Variants in GABRB2 observed in about 807,000 individuals in gnomAD.
GABRB2 encodes gamma-aminobutyric acid type A receptor subunit beta2, also known as gamma-aminobutyric acid receptor subunit beta-2.
GABRB2 carries 16 observed loss-of-function variants against 54.7 expected under a neutral mutation model. The ratio of observed to expected loss-of-function variants is 0.29; its 90% CI spans 0.20 to 0.44. The LOEUF is 0.44. GABRB2 is among the 20% of genes least tolerant of loss of function. The pLI is 1.00. For missense variants in GABRB2, 355 were observed against 644.0 expected, an observed-to-expected ratio of 0.55 and a Z score of 4.86; for synonymous variants, 244 against 233.8, an observed-to-expected ratio of 1.04 and a Z score of -0.40.
chr5:161,340,298 G>T (rs971587701), intron 5 of GABRB2, among the ~76,000 whole-genome samples: 1 of 151,976 alleles, frequency 6.6e-6, no homozygotes, highest in Non-Finnish European at 1.5e-5. Flanking sequence ...TGTGAAGTAG[G>T]CACTCAGTAA....
upstream of GABRB2, chr5:161,546,780 G>A (rs1193679437): frequency 4.1e-6 from 6 of 1,469,280 alleles, no homozygotes; most frequent in African/African-American, 5.8e-5. Flanking sequence ...CGGCTGCCGG[G>A]GACCGAGCAG....
At chr5:161,396,128 T>C (rs1203671925) in intron 5 of GABRB2, among the ~76,000 whole-genome samples, 1 of 152,188 alleles carries the variant, frequency 6.6e-6, no homozygotes, top group African/African-American at 2.4e-5. Flanking sequence ...TGGGCTCTTA[T>C]AGCTGCACAC....
intron 9 of GABRB2, among the ~76,000 whole-genome samples, chr5:161,305,171 C>T (rs1203674009): frequency 5.9e-5 from 9 of 151,388 alleles, no homozygotes; most frequent in Admixed American, 2.0e-4. Flanking sequence ...CGCCCGCCAC[C>T]GCGCCCGGCT....
intron 5 of GABRB2, among the ~76,000 whole-genome samples, chr5:161,344,065 A>G (rs1288021118): frequency 6.6e-6 from 1 of 152,154 alleles, no homozygotes; most frequent in Admixed American, 6.6e-5. Context: ...GAGATTTTTA[A>G]TGAGCATAAG....
intron 5 of GABRB2, among the ~76,000 whole-genome samples, chr5:161,393,805 A>G (rs921663398): frequency 6.6e-6 from 1 of 152,112 alleles, no homozygotes; most frequent in Admixed American, 6.6e-5. Context: ...AAAACATAGT[A>G]GGAATTTTTA....
At chr5:161,473,441 G>T (rs552277994) in intron 3 of GABRB2, among the ~76,000 whole-genome samples, 1 of 151,918 alleles carries the variant, frequency 6.6e-6, no homozygotes, top group Non-Finnish European at 1.5e-5. Context: ...TACTTACCTC[G>T]AGGAGGAAAA....
At chr5:161,317,990 T>C (rs1758092986) in intron 9 of GABRB2, among the ~76,000 whole-genome samples, 1 of 152,054 alleles carries the variant, frequency 6.6e-6, no homozygotes, top group South Asian at 2.1e-4. Context: ...GAAGTTCTTA[T>C]AGATGCATAA....
chr5:161,459,738 A>G lies in GABRB2; in HGVS notation c.344T>C (p.Leu115Pro). 6.2e-7 allele frequency: 1 copy of G among 1,614,006 alleles called. No homozygotes were observed. The highest frequency in any genetic ancestry group is 1.3e-5 in the African/African-American group (1 of 75,030). The change falls in exon 4 of 10, where the codon CTC becomes CCC. Residue 115 changes from leucine (L) to proline (P), a missense_variant. Physicochemically the swap from Leu to Pro is moderately conservative, Grantham distance 98. Transcript: ENST00000393959. ...LTLDNRVADQ[L>P]WVPDTYFLND... is the part of the protein sequence containing the mutation. Reference sequence around the variant, plus strand: ...CAGGAAATAGGTATCAGGCACCCAGAGCTGGTCTGCCACTCTGTTGTCCAG... The same window carrying G: ...CAGGAAATAGGTATCAGGCACCCAGGGCTGGTCTGCCACTCTGTTGTCCAG...
intron 5 of GABRB2, among the ~76,000 whole-genome samples, chr5:161,389,035 C>T (rs1172473147): frequency 6.6e-6 from 1 of 151,886 alleles, no homozygotes; most frequent in Admixed American, 6.6e-5. Flanking sequence ...GACTTATAAC[C>T]CATATGTTCT....
chr5:161,543,958 G>A (rs1164413929), intron 3 of GABRB2, among the ~76,000 whole-genome samples: 1 of 152,122 alleles, frequency 6.6e-6, no homozygotes, highest in African/African-American at 2.4e-5. Context: ...TTCAGAAATA[G>A]CAGAATTCCC....
chr5:161,470,026 T>A (rs1219750342), intron 3 of GABRB2, among the ~76,000 whole-genome samples: 1 of 151,892 alleles, frequency 6.6e-6, no homozygotes, highest in African/African-American at 2.4e-5. Context: ...TTTGCTTGAA[T>A]TAAACTTTTC....
At chr5:161,437,672 C>T (rs568368939) in intron 4 of GABRB2, among the ~76,000 whole-genome samples, 4 of 152,200 alleles carry the variant, frequency 2.6e-5, no homozygotes, top group Admixed American at 2.0e-4. Context: ...GTCCACTACC[C>T]TGAAGGTTGA....
chr5:161,405,088 A>T (rs1303576802), intron 5 of GABRB2, among the ~76,000 whole-genome samples: 1 of 152,054 alleles, frequency 6.6e-6, no homozygotes, highest in East Asian at 1.9e-4. Flanking sequence ...CTTAGGGTAC[A>T]CAGAGTCTAC....
chr5:161,373,542 T>C (rs1000911055), intron 5 of GABRB2, among the ~76,000 whole-genome samples: 1 of 152,222 alleles, frequency 6.6e-6, no homozygotes, highest in African/African-American at 2.4e-5. Flanking sequence ...CAACCCTTTC[T>C]ACTTTCACTT....
intron 5 of GABRB2, among the ~76,000 whole-genome samples, chr5:161,377,289 G>A (rs1219281283): frequency 6.6e-6 from 1 of 152,056 alleles, no homozygotes; most frequent in African/African-American, 2.4e-5. Flanking sequence ...AAACCCTAAT[G>A]AAGGAACAGG....
intron 3 of GABRB2, among the ~76,000 whole-genome samples, chr5:161,514,982 T>C (rs1759892190): frequency 6.6e-6 from 1 of 152,142 alleles, no homozygotes; most frequent in Non-Finnish European, 1.5e-5. Context: ...CATTAGGGAG[T>C]AGCCATAATA....
chr5:161,525,564 G>A (rs1430646605), intron 3 of GABRB2, among the ~76,000 whole-genome samples: 1 of 150,650 alleles, frequency 6.6e-6, no homozygotes, highest in African/African-American at 2.4e-5. Context: ...GAAATGTAGT[G>A]CATTATATAC....
intron 4 of GABRB2, among the ~76,000 whole-genome samples, chr5:161,423,547 G>A (rs920463826): frequency 6.6e-6 from 1 of 151,938 alleles, no homozygotes; most frequent in Admixed American, 6.6e-5. Context: ...CATTACTATT[G>A]TAATTGTTTT....
chr5:161,464,119 T>G (rs1324302463), intron 3 of GABRB2, among the ~76,000 whole-genome samples: 1 of 151,578 alleles, frequency 6.6e-6, no homozygotes, highest in African/African-American at 2.4e-5. Context: ...GAATTTAAGG[T>G]TTTTTTTCCT....
Sources: allele counts gnomAD v4.1 joint callset (sites outside exome capture counted in the v4.1 genomes callset), GRCh38; gene constraint gnomAD v4.1.1; transcripts MANE v1.5; gene names NCBI Gene and HGNC (gene_info 2026-07-23, HGNC 2026-07-21).